The following CNTN4 variants were observed in gnomAD, a reference collection of about 807,000 sequenced individuals.
The protein encoded by CNTN4 is contactin-4.
Under a neutral mutation model 122.5 loss-of-function variants are expected in CNTN4, and 77 were observed. The observed-to-expected ratio is 0.63, with a 90% CI of 0.52 to 0.76. CNTN4 has a LOEUF of 0.76. Among genes scored for constraint, CNTN4 ranks in the 30% least tolerant of loss-of-function variants. CNTN4 has a pLI of 0.00. For synonymous variants in CNTN4, 512 were observed against 447.0 expected (o/e 1.15, Z -1.83); for missense variants, 1,256 against 1,259.1 (o/e 1.00, Z 0.04).
Position 2,949,258 on chromosome 3 carries a change from TC to T in CNTN4, c.1358+23480del, listed in dbSNP as rs1386759486. Among the ~76,000 whole-genome samples the T allele has an allele frequency of 1.3e-5, 2 of 152,092 alleles. 1 individual carries two copies. Among genetic ancestry groups the T allele is most frequent in the Non-Finnish European group, 2.9e-5 (2 of 68,014 alleles). ...CTTTGCAGAGAGACCTCAAGCACAT[TC>T]AAAAAAGACCTTGCTCCTGTCATGC... On this transcript the variant is annotated intron_variant, in intron 13 of 24. Transcript: ENST00000418658.
At position 3,034,631 on chromosome 3, in the gene CNTN4, G is replaced by A. The variant is rs1217424596; in HGVS notation, c.1784-1G>A. ...ATTCTGGGGGTCTTGCTCTTTCCCAGGTCCTCCAGGTCCCCCAGAGGCTGT... is the reference window on the plus strand; with the variant it reads ...ATTCTGGGGGTCTTGCTCTTTCCCAAGTCCTCCAGGTCCCCCAGAGGCTGT... On this transcript the variant is annotated splice_acceptor_variant, in intron 16 of 24. Coordinates refer to ENST00000418658, the MANE Select transcript of CNTN4 (RefSeq NM_175607.3). LOFTEE classifies it high-confidence loss of function. The A allele has an allele frequency of 6.2e-7, 1 of 1,613,896 alleles. No homozygotes were observed. The highest frequency in any genetic ancestry group is 8.5e-7 in the Non-Finnish European group (1 of 1,179,950).
At chr3:2,340,156 G>A (rs529134392) in intron 3 of CNTN4, among the ~76,000 whole-genome samples, 1 of 152,200 alleles carries the variant, frequency 6.6e-6, no homozygotes, top group South Asian at 2.1e-4. Context: ...ACAGATTTTG[G>A]AGATTAGGAT....
intron 3 of CNTN4, among the ~76,000 whole-genome samples, chr3:2,546,772 G>T (rs567920822): frequency 6.6e-6 from 1 of 152,088 alleles, no homozygotes; most frequent in Non-Finnish European, 1.5e-5. Flanking sequence ...CAGCAGAGTA[G>T]AAGAAGAAGA....
At chr3:2,413,964 A>C (rs2047320266) in intron 3 of CNTN4, among the ~76,000 whole-genome samples, 1 of 152,204 alleles carries the variant, frequency 6.6e-6, no homozygotes, top group South Asian at 2.1e-4. Flanking sequence ...TATTTAGCCT[A>C]ATCCCTATTT....
At position 3,057,558 on chromosome 3, in the gene CNTN4, C is replaced by T. The variant is rs909581771; in HGVS notation, c.*1338C>T. On this transcript the variant is annotated 3_prime_UTR_variant, in exon 25 of 25. Transcript: ENST00000418658. ...ATGGAATTTTCTATAAACATTTTCT[C>T]ATGTAAACATGCTGCCACCTTTTCT... 6.6e-6 allele frequency: 1 copy of T among 152,646 alleles called. No homozygotes were observed. The highest frequency in any genetic ancestry group is 1.5e-5 in the Non-Finnish European group (1 of 68,032). 9.5% of individuals were successfully genotyped at this position (152,646 alleles called of 1,614,324 possible).
intron 3 of CNTN4, among the ~76,000 whole-genome samples, chr3:2,514,071 G>T (rs1301931717): frequency 6.6e-6 from 1 of 152,140 alleles, no homozygotes; most frequent in Non-Finnish European, 1.5e-5. Context: ...AAGCCCTGGG[G>T]TTGAGCCAAG....
At chr3:2,648,443 A>G (rs1358492548) in intron 4 of CNTN4, among the ~76,000 whole-genome samples, 1 of 152,184 alleles carries the variant, frequency 6.6e-6, no homozygotes, top group African/African-American at 2.4e-5. Context: ...AATTGTCACA[A>G]TAGTTCAAAG....
At chr3:2,293,425 G>A (rs1192594505) in intron 2 of CNTN4, among the ~76,000 whole-genome samples, 1 of 152,130 alleles carries the variant, frequency 6.6e-6, no homozygotes. Context: ...TTATTGAGAG[G>A]CAGAATGGCA....
chr3:2,126,429 C>G (rs1350925041), intron 2 of CNTN4, among the ~76,000 whole-genome samples: 1 of 152,080 alleles, frequency 6.6e-6, no homozygotes, highest in African/African-American at 2.4e-5. Context: ...TTTTCTTGTA[C>G]TTTCTGAGCA....
intron 4 of CNTN4, among the ~76,000 whole-genome samples, chr3:2,667,392 T>C (rs2084233440): frequency 6.6e-6 from 1 of 152,232 alleles, no homozygotes. Context: ...ATGTCTTCTT[T>C]TGAGAACTGT....
chr3:2,292,912 A>G (rs1422650281), intron 2 of CNTN4, among the ~76,000 whole-genome samples: 3 of 152,232 alleles, frequency 2.0e-5, no homozygotes, highest in Admixed American at 6.5e-5. Context: ...TCATTTCTAT[A>G]GGAGTAAAAC....
At chr3:2,766,052 T>G (rs1308234569) in intron 6 of CNTN4, among the ~76,000 whole-genome samples, 1 of 152,084 alleles carries the variant, frequency 6.6e-6, no homozygotes, top group African/African-American at 2.4e-5. Context: ...TGAGAAGGCA[T>G]CCCTCATCAC....
chr3:2,405,138 C>T (rs1016089318), intron 3 of CNTN4, among the ~76,000 whole-genome samples: 2 of 152,072 alleles, frequency 1.3e-5, no homozygotes, highest in African/African-American at 4.8e-5. Flanking sequence ...ATGTATGAAT[C>T]CTATGAGATT....
Position 2,533,134 on chromosome 3 carries a change from T to C in CNTN4, c.-88-38282T>C, listed in dbSNP as rs528562966. Among the ~76,000 whole-genome samples, 30 of 151,754 alleles carry C rather than the reference T, an allele frequency of 2.0e-4. 2 individuals are homozygous for C. The highest frequency in any genetic ancestry group is 3.4e-3 in the Middle Eastern group (1 of 294). On this transcript the variant is annotated intron_variant, in intron 3 of 24. Transcript: ENST00000418658. ...TGTAGAAGACAGATTGATTCTTCTT[T>C]TTTTTTTTTTTAATTATACTTTAAG...
Position 2,852,680 on chromosome 3 carries a change from CT to C in CNTN4, c.455-14071del, listed in dbSNP as rs548997255. Among the ~76,000 whole-genome samples the C allele has an allele frequency of 2.6e-3, 403 of 152,254 alleles. 1 individual carries two copies. Among genetic ancestry groups the C allele is most frequent in the Non-Finnish European group, 4.6e-3 (313 of 68,014 alleles). On this transcript the variant is annotated intron_variant, in intron 7 of 24. Transcript: ENST00000418658. ...TAGATATGTTAAGTAACTTTCCATGCTCACAAAGTAGTGGTAAACCAAGGTT... is the reference window on the plus strand; with the variant it reads ...TAGATATGTTAAGTAACTTTCCATGCCACAAAGTAGTGGTAAACCAAGGTT...
At chr3:2,929,245 A>C (rs1380933559) in intron 13 of CNTN4, among the ~76,000 whole-genome samples, 2 of 152,244 alleles carry the variant, frequency 1.3e-5, no homozygotes, top group Non-Finnish European at 2.9e-5. Context: ...CCATAAAGGC[A>C]GTTGGAATCA....
chr3:2,115,265 C>T (rs1358008307), intron 2 of CNTN4, among the ~76,000 whole-genome samples: 1 of 152,194 alleles, frequency 6.6e-6, no homozygotes, highest in African/African-American at 2.4e-5. Context: ...AGTGTCCTGG[C>T]CCCACTGAAC....
intron 2 of CNTN4, among the ~76,000 whole-genome samples, chr3:2,203,778 GGT>G (rs2038216209): frequency 6.6e-6 from 1 of 152,088 alleles, no homozygotes; most frequent in Non-Finnish European, 1.5e-5. Context: ...ACTCCTAAGA[GGT>G]GTGGCCCAAC....
intron 4 of CNTN4, among the ~76,000 whole-genome samples, chr3:2,615,306 C>T (rs913831287): frequency 6.6e-6 from 1 of 152,170 alleles, no homozygotes. Flanking sequence ...AGCAACCAGT[C>T]AGCATTTTGA....
Sources: gnomAD v4.1 joint callset for allele counts (sites outside exome capture counted in the v4.1 genomes callset) on GRCh38, gnomAD v4.1.1 for gene constraint, MANE v1.5 for transcripts, NCBI Gene and HGNC (gene_info 2026-07-23, HGNC 2026-07-21) for gene names.